Variants in ZNF133 observed in about 807,000 individuals in gnomAD.
ZNF133 encodes zinc finger protein 133, also known as zinc finger protein 133 (clone pHZ-13).
ZNF133 carries 26 observed loss-of-function variants against 54.9 expected under a neutral mutation model. That is an observed-to-expected ratio of 0.47 (90% CI 0.35 to 0.66). The LOEUF is 0.66. Ranked by LOEUF, ZNF133 falls within the 30% of genes least tolerant of loss-of-function variation. The probability of loss-of-function intolerance (pLI) is 0.01; values close to 1 mark genes in which losing one functional copy is unlikely to be tolerated. For synonymous variants in ZNF133, 298 were observed against 320.3 expected (o/e 0.93, Z 0.74); for missense variants, 653 against 820.8 (o/e 0.80, Z 2.50).
chr20:18,315,839 G>T lies in ZNF133; in HGVS notation c.988G>T (p.Glu330Ter). Reference sequence around the variant, plus strand: ...AGGGGAAAAGCCTTACGTGTGCCGGGAATGTGGCAAAGGCTTCAGCCAGAA... The same window carrying T: ...AGGGGAAAAGCCTTACGTGTGCCGGTAATGTGGCAAAGGCTTCAGCCAGAA... The part of the protein sequence containing the change: ...HSGEKPYVCR[E>*]CGKGFSQKSA... Residue 330 changes from glutamate (E) to a stop codon, truncating the protein, a stop_gained, in exon 7 of 7, where the codon GAA (glutamate) becomes TAA (stop). Transcript: ENST00000425686. LOFTEE classifies it high-confidence loss of function. 1 of 1,612,564 alleles carries T rather than the reference G, an allele frequency of 6.2e-7. No homozygotes were observed. Among genetic ancestry groups the T allele is most frequent in the Non-Finnish European group, 8.5e-7 (1 of 1,178,876 alleles).
intron 3 of ZNF133, among the ~76,000 whole-genome samples, chr20:18,304,466 G>T (rs966054377): frequency 1.3e-5 from 2 of 152,178 alleles, no homozygotes; most frequent in Non-Finnish European, 2.9e-5. Flanking sequence ...TGGAAGAATA[G>T]CCAGAAGCTA....
intron 3 of ZNF133, among the ~76,000 whole-genome samples, chr20:18,304,072 G>A (rs1412982974): frequency 2.6e-5 from 4 of 152,056 alleles, no homozygotes; most frequent in Admixed American, 1.3e-4. Context: ...ATAGAAGAAC[G>A]CCCCAGCTTA....
chr20:18,289,988 C>A (rs1400881799), intron 1 of ZNF133: 1 of 152,430 alleles, frequency 6.6e-6, no homozygotes, highest in East Asian at 1.9e-4. Flanking sequence ...TGTTCTTGTT[C>A]TGCCTCCCTG....
rs746497907 is a variant in ZNF133, at chr20:18,315,384, G to C, written c.533G>C (p.Arg178Pro). The change falls in exon 7 of 7, where the codon CGG (arginine) becomes CCG (proline). Residue 178 changes from arginine to proline, a missense_variant. Around this residue, in one of 4 missense-constraint regions of ZNF133, gnomAD observed 227 missense variants for 233.9 expected, o/e 0.97. Transcript: ENST00000425686. Reference protein sequence around the residue: ...RPPQRQPVSSRNGLRGVELEA... With the variant: ...RPPQRQPVSSPNGLRGVELEA... ...CCCCAGAGGCAGCCAGTCAGCTCTC[G>C]GAACGGCCTCAGAGGGGTGGAGTTA... The C allele has an allele frequency of 1.9e-6, 3 of 1,614,174 alleles. No homozygotes were observed. In the South Asian group the frequency reaches 3.3e-5, roughly 18 times the overall value.
At chr20:18,298,174 T>C in intron 2 of ZNF133, 112 bp downstream of exon 2, 2 of 1,521,536 alleles carry the variant, frequency 1.3e-6, no homozygotes, top group African/African-American at 1.4e-5. Context: ...TCCTCTTACT[T>C]GCTCCCCTGC....
In ZNF133 at chr20:18,315,643, C is replaced by T. The variant is rs778264856; in HGVS notation, c.792C>T (p.His264=). 113 of 1,613,978 alleles carry T rather than the reference C, an allele frequency of 7.0e-5. No individual in the cohort carries two copies. The highest frequency in any genetic ancestry group is 6.4e-5 in the Non-Finnish European group (75 of 1,179,988). ...KKSLARHQKA[H]SGEKPIVCRE... is the part of the protein sequence containing the mutation. ...GCCTCGCCAGACACCAGAAGGCACACTCGGGGGAGAAGCCAATTGTGTGCA... is the reference window on the plus strand; with the variant it reads ...GCCTCGCCAGACACCAGAAGGCACATTCGGGGGAGAAGCCAATTGTGTGCA... The change falls in exon 7 of 7, where the codon CAC becomes CAT. Residue 264 remains histidine, a synonymous_variant. Coordinates refer to ENST00000425686, the MANE Select transcript of ZNF133 (RefSeq NM_001352452.2).
Position 18,306,375 on chromosome 20 carries a change from T to A in ZNF133, c.199T>A (p.Ser67Thr). The change falls in exon 6 of 7, where the codon TCA (serine) becomes ACA (threonine). Residue 67 changes from serine to threonine, a missense_variant. Physicochemically the swap from Ser to Thr is moderately conservative, Grantham distance 58. Transcript: ENST00000425686. ...GACCTGGAGAGAGGAAAAAAAATGT[T>A]CACCGGCAACCTGTCCAGGTGAGTG... ...KETWREEKKC[S>T]PATCPADPEP... The A allele has an allele frequency of 1.2e-6, 2 of 1,613,652 alleles. No individual in the cohort carries two copies. The highest frequency in any genetic ancestry group is 1.7e-6 in the Non-Finnish European group (2 of 1,179,814).
At chr20:18,291,021 G>C (rs1253253598) in intron 1 of ZNF133, among the ~76,000 whole-genome samples, 1 of 152,184 alleles carries the variant, frequency 6.6e-6, no homozygotes, top group Admixed American at 6.5e-5. Context: ...CAGCTATTCA[G>C]GAGGCTGAGG....
chr20:18,296,073 TTTC>T (rs1299049625), intron 1 of ZNF133, among the ~76,000 whole-genome samples: 1 of 152,208 alleles, frequency 6.6e-6, no homozygotes, highest in Non-Finnish European at 1.5e-5. Flanking sequence ...CTTTTTCTAC[TTTC>T]TTCTTCTCCT....
chr20:18,309,535 GA>G (rs2045393423), intron 6 of ZNF133, among the ~76,000 whole-genome samples: 1 of 152,224 alleles, frequency 6.6e-6, no homozygotes, highest in Non-Finnish European at 1.5e-5. Flanking sequence ...GCACAGGAGA[GA>G]ATGTGAAGAT....
chr20:18,289,181 C>T (rs148775579), intron 1 of ZNF133, among the ~76,000 whole-genome samples: 1 of 152,092 alleles, frequency 6.6e-6, no homozygotes, highest in African/African-American at 2.4e-5. Flanking sequence ...CATTTTGCCG[C>T]GATCTTAGGG....
Position 18,297,932 on chromosome 20 carries a change from A to G in ZNF133, c.-431-53A>G, listed in dbSNP as rs1004842368. ...TTAAAGAGCAGGCCCTGCTTCACTC[A>G]TGGGGAGAGCATTTCTACCTGACAC... On this transcript the variant is annotated intron_variant, in intron 1 of 6. Coordinates refer to ENST00000425686, the MANE Select transcript of ZNF133 (RefSeq NM_001352452.2). The G allele has an allele frequency of 4.1e-6, 5 of 1,231,034 alleles. No individual in the cohort carries two copies. The African/African-American group carries it at 7.5e-5, about 18-fold the overall frequency. The allele number at this position is 1,231,034 out of a possible 1,614,324, so 76.3% of individuals were successfully genotyped here. A position where few individuals can be genotyped will look rare whatever the true frequency, so the allele number is the denominator to read the frequency against.
Position 18,305,513 on chromosome 20 carries a change from A to G in ZNF133, c.-6-168A>G, listed in dbSNP as rs1439949774. Among the ~76,000 whole-genome samples the G allele has an allele frequency of 6.6e-6, 1 of 152,100 alleles. No homozygotes were observed. The highest frequency in any genetic ancestry group is 1.5e-5 in the Non-Finnish European group (1 of 68,020). On this transcript the variant is annotated intron_variant, in intron 4 of 6. Transcript: ENST00000425686. The surrounding 1 kb of genome is among the most constrained non-coding windows in gnomAD (Gnocchi z 4.7). ...TTGACTGTATGGGTTCACAAATGCCACTGGCTGGATTGAGACAGGGATTTA... is the reference window on the plus strand; with the variant it reads ...TTGACTGTATGGGTTCACAAATGCCGCTGGCTGGATTGAGACAGGGATTTA...
rs2047190246 is a variant in ZNF133, at chr20:18,315,256, G to A, written c.405G>A (p.Glu135=). 2 of 1,614,096 alleles carry A rather than the reference G, an allele frequency of 1.2e-6. No homozygotes were observed. The highest frequency in any genetic ancestry group is 1.7e-5 in the Admixed American group (1 of 60,012). Residue 135 remains glutamate (E), a synonymous_variant, in exon 7 of 7, where the codon GAG becomes GAA. Coordinates refer to ENST00000425686, the MANE Select transcript of ZNF133 (RefSeq NM_001352452.2). The part of the protein sequence containing the change: ...GDQEKQQQAS[E]GRPWSDQAEG... ...AGGAGAAGCAGCAACAAGCCTCTGA[G>A]GGGAGACCCTGGAGTGATCAAGCAG...
In ZNF133 at chr20:18,316,532, A is replaced by C. The variant is rs1011901192; in HGVS notation, c.1681A>C (p.Asn561His). ...CAGGCAGTGTGGACTGGGCTTTGGCAATAAGTCAGCTCTAATTACACACAA... is the reference window on the plus strand; with the variant it reads ...CAGGCAGTGTGGACTGGGCTTTGGCCATAAGTCAGCTCTAATTACACACAA... ...MCRQCGLGFG[N>H]KSALITHKRA... Residue 561 changes from asparagine to histidine, a missense_variant, in exon 7 of 7, where the codon AAT (asparagine) becomes CAT (histidine). Coordinates refer to ENST00000425686, the MANE Select transcript of ZNF133 (RefSeq NM_001352452.2). The C allele has an allele frequency of 6.2e-7, 1 of 1,613,996 alleles. No individual in the cohort carries two copies. Among genetic ancestry groups the C allele is most frequent in the Non-Finnish European group, 8.5e-7 (1 of 1,179,876 alleles).
chr20:18,316,392 G>C lies in ZNF133; in HGVS notation c.1541G>C (p.Arg514Thr). 6.2e-7 allele frequency: 1 copy of C among 1,614,054 alleles called. No homozygotes were observed. Among genetic ancestry groups the C allele is most frequent in the Non-Finnish European group, 8.5e-7 (1 of 1,179,960 alleles). ...AAGTCAAACCTTGTTGCACACCAGA[G>C]GACGCACTCAGGGGAGAGGCCGTAT... Reference protein sequence around the residue: ...SQKSNLVAHQRTHSGERPYVC... With the variant: ...SQKSNLVAHQTTHSGERPYVC... Residue 514 changes from arginine to threonine, a missense_variant, in exon 7 of 7, where the codon AGG (arginine) becomes ACG (threonine). This residue lies in a region of ZNF133 where 292 missense variants were observed against 431.6 expected (regional missense o/e 0.68). Coordinates refer to ENST00000425686, the MANE Select transcript of ZNF133 (RefSeq NM_001352452.2).
intron 6 of ZNF133, chr20:18,310,288 G>T: frequency 6.5e-7 from 1 of 1,533,186 alleles, no homozygotes; most frequent in Non-Finnish European, 8.7e-7. Context: ...TATGTGTAAC[G>T]GGAGGAAGAC....
At chr20:18,297,517 T>C (rs994922434) in intron 1 of ZNF133, among the ~76,000 whole-genome samples, 5 of 152,118 alleles carry the variant, frequency 3.3e-5, no homozygotes, top group Non-Finnish European at 5.9e-5. Context: ...ATTTTTTTTC[T>C]GTCTCACCAT....
chr20:18,297,441 T>C (rs1190710235), intron 1 of ZNF133, among the ~76,000 whole-genome samples: 2 of 152,126 alleles, frequency 1.3e-5, no homozygotes, highest in African/African-American at 4.8e-5. Flanking sequence ...ATATTTGGGG[T>C]ATATCTCATA....
Sources: allele counts gnomAD v4.1 joint callset (sites outside exome capture counted in the v4.1 genomes callset), GRCh38; gene constraint gnomAD v4.1.1; regional missense constraint gnomAD v4.1.1; non-coding constraint Gnocchi (gnomAD v3.1); transcripts MANE v1.5; gene names NCBI Gene and HGNC (gene_info 2026-07-23, HGNC 2026-07-21).